The following ANXA4 variants were observed in gnomAD, a reference collection of about 807,000 sequenced individuals.
ANXA4 encodes the protein annexin A4.
Under a neutral mutation model 49.8 loss-of-function variants are expected in ANXA4, and 39 were observed. The ratio of observed to expected loss-of-function variants is 0.78; its 90% CI spans 0.61 to 1.02. The LOEUF is 1.02. Ranked by LOEUF, ANXA4 falls within the 50% of genes least tolerant of loss-of-function variation. The pLI, the probability that ANXA4 is intolerant of heterozygous loss-of-function variation, is 0.00. For missense variants in ANXA4, 360 were observed against 410.1 expected (o/e 0.88, Z 1.05); for synonymous variants, 134 against 152.5 (o/e 0.88, Z 0.89).
chr2:69,780,228 T>C (rs2103656540), intron 1 of ANXA4, among the ~76,000 whole-genome samples: 2 of 152,270 alleles, frequency 1.3e-5, no homozygotes, highest in Middle Eastern at 6.8e-3. Context: ...AGTGTCTCAC[T>C]CTGTCACCCA....
intron 1 of ANXA4, among the ~76,000 whole-genome samples, chr2:69,768,626 A>G (rs1671588471): frequency 6.6e-6 from 1 of 152,252 alleles, no homozygotes; most frequent in Admixed American, 6.5e-5. Context: ...CATTCAGATA[A>G]TGTGTGTTGA....
At chr2:69,819,248 C>A in intron 10 of ANXA4, 32 bp from the exon 11 acceptor site, 2 of 1,514,382 alleles carry the variant, frequency 1.3e-6, no homozygotes, top group Non-Finnish European at 1.8e-6. Flanking sequence ...TATCTGTAAT[C>A]TTTTCATTTC....
In ANXA4 at chr2:69,826,047, T is replaced by C. The variant is rs549747537; in HGVS notation, c.*532T>C. 64 of 152,726 alleles carry C rather than the reference T, an allele frequency of 4.2e-4. No individual in the cohort carries two copies. Among genetic ancestry groups the C allele is most frequent in the African/African-American group, 1.5e-3 (62 of 41,574 alleles). The allele number at this position is 152,726 out of a possible 1,614,324, so 9.5% of individuals were successfully genotyped here. A position where few individuals can be genotyped will look rare whatever the true frequency, so the allele number is the denominator to read the frequency against. On this transcript the variant is annotated 3_prime_UTR_variant, in exon 13 of 13. Coordinates refer to ENST00000394295, the MANE Select transcript of ANXA4 (RefSeq NM_001153.5). ...TTTAGGTTTTGTCCATAGCATCAGT[T>C]GATCCTTACTAAGTTTTTCATGGGA...
intron 1 of ANXA4, among the ~76,000 whole-genome samples, chr2:69,771,978 G>C (rs1482370817): frequency 1.3e-5 from 2 of 152,082 alleles, no homozygotes. Flanking sequence ...AAAAACTTCA[G>C]ATCCCTATCC....
intron 1 of ANXA4, among the ~76,000 whole-genome samples, chr2:69,753,096 C>G (rs1670914677): frequency 6.6e-6 from 1 of 152,194 alleles, no homozygotes; most frequent in Non-Finnish European, 1.5e-5. Flanking sequence ...TCACATGCCG[C>G]TTTGTCTTTA....
chr2:69,773,408 C>G (rs1671813687), intron 1 of ANXA4, among the ~76,000 whole-genome samples: 1 of 152,166 alleles, frequency 6.6e-6, no homozygotes, highest in African/African-American at 2.4e-5. Context: ...AAAGCAGTAT[C>G]TGCCAGGGTT....
intron 2 of ANXA4, among the ~76,000 whole-genome samples, chr2:69,683,147 A>G (rs2105360460): frequency 6.6e-6 from 1 of 152,332 alleles, no homozygotes; most frequent in Non-Finnish European, 1.5e-5. Context: ...ATTCCTACAT[A>G]TGGGTTAAAT....
intron 8 of ANXA4, among the ~76,000 whole-genome samples, chr2:69,813,901 G>A (rs11673826): frequency 0.46 from 68,821 of 151,048 alleles, 15,814 homozygotes; most frequent in East Asian, 0.58. Context: ...GGGATTACAG[G>A]ATGCACCACC....
intron 2 of ANXA4, among the ~76,000 whole-genome samples, chr2:69,783,541 C>T (rs1573247759): frequency 6.6e-6 from 1 of 152,122 alleles, no homozygotes; most frequent in Non-Finnish European, 1.5e-5. Flanking sequence ...AAAAATTTTC[C>T]AAATTCTCTA....
chr2:69,736,748 A>G lies in ANXA4; in HGVS notation n.864+15877A>G, dbSNP rs375035348. On this transcript the variant is annotated intron_variant and non_coding_transcript_variant, in intron 3 of 3. Coordinates refer to the ANXA4 transcript ENST00000418066. ...CCCCCACATTTGACTGCTAATTTGT[A>G]TGTGTATGAGAATCTATGTTAGAAA... 8.5e-5 allele frequency among the ~76,000 whole-genome samples: 13 copies of G among 152,326 alleles called. No homozygotes were observed. In the East Asian group the frequency reaches 2.3e-3, roughly 27 times the overall value.
At chr2:69,694,627 GGTTTT>G (rs1201608211) in intron 2 of ANXA4, among the ~76,000 whole-genome samples, 23 of 147,500 alleles carry the variant, frequency 1.6e-4, no homozygotes, top group Non-Finnish European at 1.5e-5. Context: ...TGTGGTGTTT[GGTTTT>G]TTGTCCTTGC....
intron 2 of ANXA4, among the ~76,000 whole-genome samples, chr2:69,655,483 A>G (rs968094264): frequency 6.6e-5 from 10 of 152,236 alleles, no homozygotes; most frequent in African/African-American, 2.4e-4. Context: ...ATGAGATACC[A>G]TCTCATGCCA....
intron 2 of ANXA4, among the ~76,000 whole-genome samples, chr2:69,716,885 A>G (rs1669654635): frequency 6.6e-6 from 1 of 152,214 alleles, no homozygotes; most frequent in Non-Finnish European, 1.5e-5. Context: ...GCGATGTTTA[A>G]GTTTTTCTGA....
chr2:69,707,603 A>G (rs1189464500), intron 2 of ANXA4, among the ~76,000 whole-genome samples: 2 of 152,218 alleles, frequency 1.3e-5, no homozygotes, highest in Non-Finnish European at 1.5e-5. Flanking sequence ...TAGTTTTTGT[A>G]GGTACATAGT....
At chr2:69,787,581 G>A (rs747384013) in intron 2 of ANXA4, among the ~76,000 whole-genome samples, 1 of 152,196 alleles carries the variant, frequency 6.6e-6, no homozygotes, top group African/African-American at 2.4e-5. Flanking sequence ...CCACGTTGGT[G>A]TAGTTTGTCT....
intron 1 of ANXA4, among the ~76,000 whole-genome samples, chr2:69,779,086 C>G (rs1343672884): frequency 2.8e-5 from 3 of 105,770 alleles, no homozygotes; most frequent in Non-Finnish European, 5.1e-5. Flanking sequence ...CTAGCCTGGG[C>G]AACAGAGCAA....
intron 2 of ANXA4, among the ~76,000 whole-genome samples, chr2:69,700,598 C>T (rs562968386): frequency 2.0e-5 from 3 of 152,248 alleles, no homozygotes; most frequent in South Asian, 2.1e-4. Context: ...ACACATGGGT[C>T]GTACAGTACA....
chr2:69,781,055 T>A (rs1286860231), intron 1 of ANXA4: 1 of 153,240 alleles, frequency 6.5e-6, no homozygotes, highest in Non-Finnish European at 1.5e-5. Context: ...TTGGTTGGGC[T>A]GCCGGCCTGT....
At chr2:69,754,603 G>A (rs1212579951) in intron 1 of ANXA4, among the ~76,000 whole-genome samples, 2 of 152,134 alleles carry the variant, frequency 1.3e-5, no homozygotes, top group Admixed American at 6.6e-5. Flanking sequence ...CATCCCCAGA[G>A]TTTAGGATTC....
Sources: allele counts gnomAD v4.1 joint callset (sites outside exome capture counted in the v4.1 genomes callset), GRCh38; gene constraint gnomAD v4.1.1; transcripts MANE v1.5; gene names NCBI Gene and HGNC (gene_info 2026-07-23, HGNC 2026-07-21).